The following LCORL variants were observed in gnomAD, a reference collection of about 807,000 sequenced individuals.
LCORL encodes the protein ligand-dependent nuclear receptor corepressor-like protein.
In LCORL, 41 loss-of-function variants were observed where a neutral mutation model predicts 141.8. The observed-to-expected ratio is 0.29, with a 90% CI of 0.23 to 0.38. The LOEUF (loss-of-function observed/expected upper bound fraction) is 0.38. LCORL is among the 10% of genes least tolerant of loss of function. The probability of loss-of-function intolerance (pLI) is 1.00; values close to 1 mark genes in which losing one functional copy is unlikely to be tolerated. For synonymous variants in LCORL, 618 were observed against 694.1 expected (o/e 0.89, Z 1.72); for missense variants, 1,759 against 2,035.0 (o/e 0.86, Z 2.61).
intron 5 of LCORL, among the ~76,000 whole-genome samples, chr4:17,905,355 A>G (rs1232572066): frequency 6.6e-6 from 1 of 152,062 alleles, no homozygotes; most frequent in African/African-American, 2.4e-5. Flanking sequence ...GAAAATTAAG[A>G]AAAGTTTTCA....
At chr4:17,894,625 G>A (rs1422500582) in intron 5 of LCORL, among the ~76,000 whole-genome samples, 1 of 152,142 alleles carries the variant, frequency 6.6e-6, no homozygotes, top group Non-Finnish European at 1.5e-5. Flanking sequence ...GAAAACAGCT[G>A]AATTCTCACA....
chr4:18,000,844 T>A (rs79032496), intron 1 of LCORL, among the ~76,000 whole-genome samples: 2,236 of 152,248 alleles, frequency 0.015, 70 homozygotes, highest in East Asian at 0.13. Flanking sequence ...GTTATAAGAG[T>A]ATGTTCATTT....
chr4:17,996,266 T>C (rs548557249), intron 1 of LCORL, among the ~76,000 whole-genome samples: 7 of 152,242 alleles, frequency 4.6e-5, no homozygotes, highest in African/African-American at 9.6e-5. Context: ...TTTATATTTA[T>C]AGCACTGATA....
intron 2 of LCORL, among the ~76,000 whole-genome samples, chr4:17,964,754 C>G (rs1426708924): frequency 2.6e-5 from 4 of 152,080 alleles, no homozygotes; most frequent in Non-Finnish European, 5.9e-5. Flanking sequence ...TGAACCAGAT[C>G]ACCCATAAGC....
chr4:17,867,514 G>T (rs1234330218), intron 7 of LCORL, among the ~76,000 whole-genome samples: 2 of 152,138 alleles, frequency 1.3e-5, no homozygotes, highest in Non-Finnish European at 1.5e-5. Flanking sequence ...CCAATTTAGA[G>T]AATTAAATCT....
intron 4 of LCORL, among the ~76,000 whole-genome samples, chr4:17,950,705 T>C (rs1383807211): frequency 3.9e-5 from 6 of 152,160 alleles, no homozygotes; most frequent in Non-Finnish European, 8.8e-5. Flanking sequence ...AGTAGAAATG[T>C]TGATGTTTAT....
chr4:18,007,985 C>A (rs934411718), intron 1 of LCORL, among the ~76,000 whole-genome samples: 2 of 151,988 alleles, frequency 1.3e-5, no homozygotes, highest in African/African-American at 4.8e-5. Flanking sequence ...AGGATTTTAC[C>A]AAGAAACTAC....
At chr4:17,877,022 T>G in exon 7 of LCORL, 10 of 1,230,814 alleles carry the variant, frequency 8.1e-6, no homozygotes, top group Non-Finnish European at 1.0e-5. Context: ...TCTCATTGTT[T>G]TGTGTCAATT....
Position 17,851,193 on chromosome 4 carries a change from G to GAC in LCORL, c.5603-5293_5603-5292insGT, listed in dbSNP as rs1283388376. Reference sequence around the variant, plus strand: ...ACCTAATGCTAAATGACGAGTTAATGGGTGCAGCACACCAGCATGGCACAT... The same window carrying GAC: ...ACCTAATGCTAAATGACGAGTTAATGACGGTGCAGCACACCAGCATGGCACAT... On this transcript the variant is annotated intron_variant, in intron 7 of 7. Coordinates refer to ENST00000635767, the Ensembl canonical transcript of LCORL. Among the ~76,000 whole-genome samples, 9 of 151,198 alleles carry GAC rather than the reference G, an allele frequency of 6.0e-5. 2 individuals are homozygous for GAC.
chr4:17,917,421 G>A (rs1049416548), intron 4 of LCORL, among the ~76,000 whole-genome samples: 51 of 152,310 alleles, frequency 3.3e-4, no homozygotes, highest in African/African-American at 1.1e-3. Context: ...TTGAACTCCC[G>A]ACCTCAGGTG....
At chr4:17,959,410 G>C (rs1304241483) in intron 4 of LCORL, among the ~76,000 whole-genome samples, 2 of 151,970 alleles carry the variant, frequency 1.3e-5, no homozygotes, top group Non-Finnish European at 2.9e-5. Flanking sequence ...TCAGCACACA[G>C]AGCTAAAAAT....
intron 4 of LCORL, among the ~76,000 whole-genome samples, chr4:17,930,265 G>T (rs1399322136): frequency 2.0e-5 from 3 of 152,192 alleles, no homozygotes; most frequent in Non-Finnish European, 4.4e-5. Flanking sequence ...CTACTCAGGA[G>T]GCTGAGAACC....
At chr4:17,882,620 T>C (rs1468679865) in intron 6 of LCORL, 30 of 984,394 alleles carry the variant, frequency 3.0e-5, no homozygotes, top group Non-Finnish European at 3.6e-5. Flanking sequence ...AAACTGCAAA[T>C]TTGGTTATTA....
chr4:17,850,841 C>G (rs1015220957), intron 7 of LCORL, among the ~76,000 whole-genome samples: 4 of 151,488 alleles, frequency 2.6e-5, no homozygotes, highest in African/African-American at 9.7e-5. Flanking sequence ...ATGTTTATTG[C>G]GGCACTATTC....
At chr4:17,870,635 C>T (rs927290433) in intron 7 of LCORL, among the ~76,000 whole-genome samples, 1 of 152,026 alleles carries the variant, frequency 6.6e-6, no homozygotes, top group African/African-American at 2.4e-5. Context: ...CCATTCTATC[C>T]CCTTAAGGCA....
At chr4:17,959,345 C>T (rs929704255) in intron 4 of LCORL, among the ~76,000 whole-genome samples, 1 of 152,052 alleles carries the variant, frequency 6.6e-6, no homozygotes, top group Admixed American at 6.6e-5. Context: ...AGTCTAGGTG[C>T]TCCTCACACA....
chr4:17,962,920 G>T, intron 3 of LCORL, 50 bp downstream of exon 3: 3 of 974,278 alleles, frequency 3.1e-6, no homozygotes, highest in Non-Finnish European at 4.4e-6. Context: ...AAAAAACTGT[G>T]TTACAATTGT....
intron 1 of LCORL, among the ~76,000 whole-genome samples, chr4:17,991,825 A>G (rs1560453007): frequency 6.6e-6 from 1 of 152,190 alleles, no homozygotes; most frequent in South Asian, 2.1e-4. Flanking sequence ...AATATTTTCT[A>G]ATACCCGCTA....
At chr4:17,874,974 T>C in exon 7 of LCORL, 2 of 1,233,842 alleles carry the variant, frequency 1.6e-6, no homozygotes, top group Non-Finnish European at 2.0e-6. Context: ...ATGTAAGAAA[T>C]GCAGAGATGG....
Sources: allele counts gnomAD v4.1 joint callset (sites outside exome capture counted in the v4.1 genomes callset), GRCh38; gene constraint gnomAD v4.1.1; transcripts MANE v1.5; gene names NCBI Gene and HGNC (gene_info 2026-07-23, HGNC 2026-07-21).